Variants in AFG2A observed in about 807,000 individuals in gnomAD.
AFG2A encodes the protein AAA ATPase AFG2A, also known as ATPase family gene 2 protein homolog A.
the AFG2A span, among the ~76,000 whole-genome samples, chr4:123,225,803 G>A: frequency 6.6e-6 from 1 of 152,190 alleles, no homozygotes; most frequent in East Asian, 1.9e-4. Context: ...ACCTTGGGCA[G>A]TGTGGCCATT....
the AFG2A span, among the ~76,000 whole-genome samples, chr4:123,114,175 T>C: frequency 6.6e-6 from 1 of 152,070 alleles, no homozygotes; most frequent in African/African-American, 2.4e-5. Flanking sequence ...CCAGGGCTTT[T>C]ATGAGCCTCA....
At chr4:123,280,338 G>A in the AFG2A span, among the ~76,000 whole-genome samples, 1 of 152,096 alleles carries the variant, frequency 6.6e-6, no homozygotes, top group Admixed American at 6.5e-5. Flanking sequence ...AATAAACTGT[G>A]TACTACCACC....
the AFG2A span, among the ~76,000 whole-genome samples, chr4:123,083,147 T>G: frequency 1.3e-5 from 2 of 152,128 alleles, no homozygotes; most frequent in Non-Finnish European, 2.9e-5. Flanking sequence ...TTATTTCCCT[T>G]TCTTATGTAG....
the AFG2A span, among the ~76,000 whole-genome samples, chr4:123,117,855 T>A: frequency 6.6e-6 from 1 of 151,492 alleles, no homozygotes; most frequent in South Asian, 2.1e-4. Context: ...GGTTATTTTT[T>A]TAATTTTTTT....
the AFG2A span, among the ~76,000 whole-genome samples, chr4:123,073,122 C>G: frequency 2.0e-5 from 3 of 151,620 alleles, no homozygotes; most frequent in African/African-American, 7.3e-5. Context: ...TTATCATAAC[C>G]ATGCTGTATA....
the AFG2A span, among the ~76,000 whole-genome samples, chr4:123,240,990 G>T: frequency 6.6e-6 from 1 of 152,288 alleles, no homozygotes; most frequent in African/African-American, 2.4e-5. Context: ...TACCATCAGA[G>T]AATACTATAA....
chr4:123,217,443 C>T, the AFG2A span, among the ~76,000 whole-genome samples: 1 of 152,118 alleles, frequency 6.6e-6, no homozygotes, highest in African/African-American at 2.4e-5. Flanking sequence ...GTTTTATTGT[C>T]ATTAACTTAA....
At chr4:122,966,078 C>T in the AFG2A span, among the ~76,000 whole-genome samples, 515 of 152,252 alleles carry the variant, frequency 3.4e-3, 3 homozygotes, top group Middle Eastern at 0.014. Context: ...TCTTTAATTT[C>T]TGTAAGCTCT....
chr4:123,062,302 A>G, the AFG2A span, among the ~76,000 whole-genome samples: 1 of 152,246 alleles, frequency 6.6e-6, no homozygotes. Context: ...ATACTTACTT[A>G]TAAACCTGGA....
the AFG2A span, among the ~76,000 whole-genome samples, chr4:123,260,745 A>G: frequency 6.6e-5 from 10 of 152,364 alleles, no homozygotes; most frequent in Non-Finnish European, 4.4e-5. Context: ...AGGAAGGACC[A>G]TTTGACCTGG....
At chr4:123,188,585 G>A in the AFG2A span, among the ~76,000 whole-genome samples, 15 of 152,054 alleles carry the variant, frequency 9.9e-5, no homozygotes, top group Non-Finnish European at 1.3e-4. Flanking sequence ...CTACATTATT[G>A]CTTCAAATTT....
At chr4:123,240,221 C>T in the AFG2A span, among the ~76,000 whole-genome samples, 1 of 152,130 alleles carries the variant, frequency 6.6e-6, no homozygotes, top group African/African-American at 2.4e-5. Flanking sequence ...ATTAGATCAA[C>T]GTGACAGAAG....
chr4:123,058,169 T>C, the AFG2A span, among the ~76,000 whole-genome samples: 1 of 152,204 alleles, frequency 6.6e-6, no homozygotes, highest in African/African-American at 2.4e-5. Flanking sequence ...GATAAAGACA[T>C]ACTCGAGACT....
the AFG2A span, among the ~76,000 whole-genome samples, chr4:123,035,087 C>G: frequency 6.6e-6 from 1 of 152,194 alleles, no homozygotes; most frequent in South Asian, 2.1e-4. Flanking sequence ...CTGAACTTGC[C>G]TGTTTCACTG....
the AFG2A span, among the ~76,000 whole-genome samples, chr4:123,182,006 T>A: frequency 2.0e-5 from 3 of 152,312 alleles, no homozygotes; most frequent in South Asian, 6.2e-4. Flanking sequence ...GGTCCTTGAT[T>A]TGCTACTTAC....
At chr4:122,976,024 C>T in the AFG2A span, among the ~76,000 whole-genome samples, 1 of 151,968 alleles carries the variant, frequency 6.6e-6, no homozygotes, top group African/African-American at 2.4e-5. Context: ...TTTATTAATG[C>T]TTCTGTTTAT....
At chr4:122,938,130 C>T in the AFG2A span, 3 of 1,594,252 alleles carry the variant, frequency 1.9e-6, no homozygotes, top group Non-Finnish European at 2.6e-6. Context: ...TTTTAGACAC[C>T]CATCAATTAT....
chr4:123,224,517 A>G, the AFG2A span, among the ~76,000 whole-genome samples: 3 of 152,168 alleles, frequency 2.0e-5, no homozygotes, highest in Admixed American at 6.5e-5. Flanking sequence ...AGCTTCATCC[A>G]TGTCCCTACA....
the AFG2A span, among the ~76,000 whole-genome samples, chr4:123,013,893 A>G: frequency 6.6e-6 from 1 of 152,214 alleles, no homozygotes; most frequent in African/African-American, 2.4e-5. Context: ...ACATATAGAA[A>G]AAATAGTTTA....
Sources: allele counts gnomAD v4.1 joint callset (sites outside exome capture counted in the v4.1 genomes callset), GRCh38; gene constraint gnomAD v4.1.1; transcripts MANE v1.5; gene names NCBI Gene and HGNC (gene_info 2026-07-23, HGNC 2026-07-21).